The following COMMD1 variants were observed in gnomAD, a reference collection of about 807,000 sequenced individuals.
The protein encoded by COMMD1 is COMM domain-containing protein 1.
A neutral mutation model predicts 17.2 loss-of-function variants in COMMD1; 10 were observed. The ratio of observed to expected loss-of-function variants is 0.58; its 90% CI spans 0.36 to 0.99. The LOEUF is 0.99. Ranked by LOEUF, COMMD1 falls within the 50% of genes least tolerant of loss-of-function variation. COMMD1 has a pLI of 0.01. For missense variants in COMMD1, 270 were observed against 231.8 expected, an observed-to-expected ratio of 1.17 and a Z score of -1.07; for synonymous variants, 97 against 91.6, an observed-to-expected ratio of 1.06 and a Z score of -0.34.
At chr2:61,973,965 T>G (rs1351325308) in intron 1 of COMMD1, among the ~76,000 whole-genome samples, 5 of 152,346 alleles carry the variant, frequency 3.3e-5, no homozygotes, top group Non-Finnish European at 7.3e-5. Context: ...TCTTCTGATT[T>G]CTGTTCTCAT....
chr2:61,990,889 A>T (rs867698752), intron 1 of COMMD1, among the ~76,000 whole-genome samples: 10,070 of 98,146 alleles, frequency 0.1, 680 homozygotes, highest in African/African-American at 0.24. Flanking sequence ...AAAAAAAAAA[A>T]AAATATATAT....
At chr2:61,952,482 C>G (rs1480354760) in intron 1 of COMMD1, among the ~76,000 whole-genome samples, 1 of 152,076 alleles carries the variant, frequency 6.6e-6, no homozygotes, top group African/African-American at 2.4e-5. Flanking sequence ...TGATCCCCAC[C>G]CAGAACCATG....
chr2:62,057,423 T>G (rs995726960), intron 2 of COMMD1, among the ~76,000 whole-genome samples: 2 of 152,196 alleles, frequency 1.3e-5, no homozygotes, highest in African/African-American at 4.8e-5. Flanking sequence ...ATTTATAATC[T>G]TTTTGATATA....
At chr2:61,944,374 C>T (rs1670849492) in intron 1 of COMMD1, among the ~76,000 whole-genome samples, 1 of 151,892 alleles carries the variant, frequency 6.6e-6, no homozygotes, top group East Asian at 1.9e-4. Context: ...TTTCTGGAGC[C>T]TGGGAAGTTG....
intron 1 of COMMD1, chr2:61,928,659 A>C (rs1028342552): frequency 2.0e-5 from 3 of 152,194 alleles, no homozygotes; most frequent in African/African-American, 7.2e-5. Flanking sequence ...ATGGAGAAGG[A>C]ACAAATAAAT....
At chr2:62,089,617 T>C (rs1671768278) in intron 2 of COMMD1, among the ~76,000 whole-genome samples, 1 of 152,154 alleles carries the variant, frequency 6.6e-6, no homozygotes, top group African/African-American at 2.4e-5. Flanking sequence ...CAGGGAAACA[T>C]GTCTTGGGGT....
chr2:62,074,107 A>C (rs994910373), intron 2 of COMMD1, among the ~76,000 whole-genome samples: 1 of 152,232 alleles, frequency 6.6e-6, no homozygotes, highest in Non-Finnish European at 1.5e-5. Flanking sequence ...AGGATTCCAC[A>C]GAGCTTCCAT....
intron 2 of COMMD1, among the ~76,000 whole-genome samples, chr2:62,068,048 CA>C (rs1229274151): frequency 6.6e-6 from 1 of 152,094 alleles, no homozygotes; most frequent in Non-Finnish European, 1.5e-5. Flanking sequence ...GTGTAGCCAC[CA>C]GATAAAGCCA....
chr2:61,889,512 G>A (rs1669366359), intron 1 of COMMD1, among the ~76,000 whole-genome samples: 1 of 152,160 alleles, frequency 6.6e-6, no homozygotes, highest in African/African-American at 2.4e-5. Context: ...CGCCCACCCG[G>A]AGGTGCCCTC....
chr2:62,000,912 A>G lies in COMMD1; in HGVS notation c.392A>G (p.Gln131Arg). The change falls in exon 2 of 3, where the codon CAG becomes CGG. Residue 131 changes from glutamine (Q) to arginine (R), a missense_variant. Transcript: ENST00000311832. The stretch of plus-strand genomic sequence containing the variant: ...AGCTGGAGAGTTGATGGCAAGTCTC[A>G]GTCAAGGCACTCAGCTCAAATACAC... ...GLSWRVDGKS[Q>R]SRHSAQIHTP... 1 of 1,614,204 alleles carries G rather than the reference A, an allele frequency of 6.2e-7. No individual in the cohort carries two copies. The highest frequency in any genetic ancestry group is 1.1e-5 in the South Asian group (1 of 91,082).
At chr2:61,962,444 T>C (rs1342763744) in intron 1 of COMMD1, among the ~76,000 whole-genome samples, 2 of 152,178 alleles carry the variant, frequency 1.3e-5, no homozygotes. Flanking sequence ...AGATAGTTTA[T>C]GCTAATGAAT....
chr2:62,048,182 C>CT (rs67195629), intron 2 of COMMD1, among the ~76,000 whole-genome samples: 45,016 of 127,230 alleles, frequency 0.35, 9,201 homozygotes, highest in African/African-American at 0.54. Context: ...AACTAAATTT[C>CT]TTTTTTTTTT....
intron 1 of COMMD1, among the ~76,000 whole-genome samples, chr2:61,950,808 A>G (rs768089036): frequency 6.6e-6 from 1 of 152,206 alleles, no homozygotes; most frequent in Non-Finnish European, 1.5e-5. Context: ...TGTCCAGGTC[A>G]GGAAGGAGTG....
chr2:62,127,608 C>G (rs1416544691), intron 2 of COMMD1, among the ~76,000 whole-genome samples: 3 of 152,120 alleles, frequency 2.0e-5, no homozygotes, highest in Admixed American at 6.5e-5. Context: ...ACAAACCTGA[C>G]AAAAAAAGCA....
intron 2 of COMMD1, among the ~76,000 whole-genome samples, chr2:62,022,950 CT>C (rs745944450): frequency 1.0e-3 from 155 of 152,246 alleles, no homozygotes; most frequent in Admixed American, 1.8e-3. Flanking sequence ...ATCCAGTTCA[CT>C]TTAAAAATCT....
intron 2 of COMMD1, among the ~76,000 whole-genome samples, chr2:62,040,260 TAAA>T (rs1670153126): frequency 6.6e-6 from 1 of 151,888 alleles, no homozygotes; most frequent in Non-Finnish European, 1.5e-5. Flanking sequence ...TCTCAAAAAA[TAAA>T]AATAGAAAAA....
chr2:62,083,342 A>G (rs894211163), intron 2 of COMMD1, among the ~76,000 whole-genome samples: 6 of 152,228 alleles, frequency 3.9e-5, no homozygotes, highest in Non-Finnish European at 5.9e-5. Flanking sequence ...CAGCTATGCA[A>G]CTTTGCCATT....
upstream of COMMD1, chr2:61,905,664 G>C (rs769564959): frequency 3.3e-6 from 5 of 1,535,488 alleles, no homozygotes; most frequent in Admixed American, 3.9e-5. Context: ...TTGCGGGGCG[G>C]GGCCTTCGCA....
chr2:62,081,020 A>C (rs532782744), intron 2 of COMMD1, among the ~76,000 whole-genome samples: 2 of 152,098 alleles, frequency 1.3e-5, no homozygotes, highest in Non-Finnish European at 2.9e-5. Flanking sequence ...CAAACCAGAA[A>C]AAAAAAATTC....
Sources: allele counts gnomAD v4.1 joint callset (sites outside exome capture counted in the v4.1 genomes callset), GRCh38; gene constraint gnomAD v4.1.1; transcripts MANE v1.5; gene names NCBI Gene and HGNC (gene_info 2026-07-23, HGNC 2026-07-21).